INSL6: variants seen among roughly 807,000 people sequenced by gnomAD.
The protein encoded by INSL6 is insulin-like peptide INSL6.
In INSL6, 16 loss-of-function variants were observed where a neutral mutation model predicts 9.4. The observed-to-expected ratio is 1.70, with a 90% CI of 1.15 to 2.59. The LOEUF is 2.59. Ranked by LOEUF, INSL6 falls within the 30% of genes most tolerant of loss-of-function variation. The pLI, the probability that INSL6 is intolerant of heterozygous loss-of-function variation, is 0.00. For synonymous variants in INSL6, 154 were observed against 96.9 expected, an observed-to-expected ratio of 1.59 and a Z score of -3.46; for missense variants, 391 against 257.3, an observed-to-expected ratio of 1.52 and a Z score of -3.56.
At chr9:5,134,959 C>G (rs1264808169) in intron 2 of INSL6, among the ~76,000 whole-genome samples, 1 of 152,106 alleles carries the variant, frequency 6.6e-6, no homozygotes, top group African/African-American at 2.4e-5. Context: ...TGCAAAGACA[C>G]ACATAGGCTC....
chr9:5,052,830 A>G, the INSL6 span, among the ~76,000 whole-genome samples: 1 of 151,950 alleles, frequency 6.6e-6, no homozygotes, highest in South Asian at 2.1e-4. Context: ...TCAGTACTTC[A>G]TTTCTTTTTA....
the INSL6 span, among the ~76,000 whole-genome samples, chr9:5,010,089 G>T: frequency 6.6e-6 from 1 of 152,142 alleles, no homozygotes; most frequent in African/African-American, 2.4e-5. Flanking sequence ...GTTTTAAATA[G>T]AGTCTATTTC....
chr9:5,045,252 A>T, the INSL6 span, among the ~76,000 whole-genome samples: 2 of 152,178 alleles, frequency 1.3e-5, no homozygotes, highest in Non-Finnish European at 1.5e-5. Flanking sequence ...GGAGTTCTAA[A>T]TCAGATTTGC....
chr9:5,072,239 C>T, the INSL6 span, among the ~76,000 whole-genome samples: 1 of 152,092 alleles, frequency 6.6e-6, no homozygotes, highest in Non-Finnish European at 1.5e-5. Flanking sequence ...ACAATTATAG[C>T]CCATTCAGGA....
At chr9:5,054,949 A>T in the INSL6 span, 1 of 1,233,690 alleles carries the variant, frequency 8.1e-7, no homozygotes, top group East Asian at 2.5e-5. The surrounding 1 kb of genome is among the most constrained non-coding windows in gnomAD (Gnocchi z 4.9). Flanking sequence ...AAAACAAAGT[A>T]ATTTTAATCA....
the INSL6 span, among the ~76,000 whole-genome samples, chr9:5,079,499 T>G: frequency 3.3e-5 from 4 of 120,488 alleles, no homozygotes; most frequent in Non-Finnish European, 6.2e-5. Context: ...GGTCCTTGGG[T>G]TTTTTTTTTT....
chr9:5,066,711 A>G, the INSL6 span: 3 of 1,609,780 alleles, frequency 1.9e-6, no homozygotes, highest in Non-Finnish European at 2.5e-6. Flanking sequence ...TGAAGAAAGC[A>G]GGTAATCAGA....
the INSL6 span, chr9:5,110,692 A>G: frequency 1.2e-5 from 4 of 333,034 alleles, no homozygotes; most frequent in Non-Finnish European, 2.4e-5. Context: ...AGCCCTTTCT[A>G]TTACTCTTAC....
the INSL6 span, chr9:5,099,129 G>A: frequency 6.6e-6 from 1 of 152,144 alleles, no homozygotes; most frequent in Non-Finnish European, 1.5e-5. Flanking sequence ...AAGACATCCT[G>A]CACTCATGAA....
At chr9:5,041,707 C>CT in the INSL6 span, 5 of 505,044 alleles carry the variant, frequency 9.9e-6, no homozygotes, top group East Asian at 1.1e-4. Flanking sequence ...GTGTTCGACT[C>CT]TGAGTACGAG....
At chr9:5,016,777 A>G in the INSL6 span, among the ~76,000 whole-genome samples, 2 of 152,212 alleles carry the variant, frequency 1.3e-5, no homozygotes, top group East Asian at 3.9e-4. Flanking sequence ...TGCCAAGCTA[A>G]CCATTATCCT....
At chr9:5,007,494 A>C in the INSL6 span, among the ~76,000 whole-genome samples, 1 of 152,096 alleles carries the variant, frequency 6.6e-6, no homozygotes, top group Non-Finnish European at 1.5e-5. Context: ...GCAGAACTTC[A>C]CATTTTTCAA....
chr9:5,090,019 C>T, the INSL6 span, among the ~76,000 whole-genome samples: 1 of 152,186 alleles, frequency 6.6e-6, no homozygotes, highest in East Asian at 1.9e-4. Context: ...TGATCATAGA[C>T]TATAACTATA....
chr9:5,143,619 T>C (rs1485507739), intron 2 of INSL6, among the ~76,000 whole-genome samples: 4 of 152,102 alleles, frequency 2.6e-5, no homozygotes, highest in Admixed American at 2.6e-4. Flanking sequence ...TCTATTTTAT[T>C]AGTTTTTTCA....
At chr9:5,161,940 C>T (rs1428938876), downstream of INSL6, among the ~76,000 whole-genome samples, 1 of 151,580 alleles carries the variant, frequency 6.6e-6, no homozygotes, top group African/African-American at 2.4e-5. Context: ...AAAAATTAGC[C>T]AGGTGGTATG....
the INSL6 span, among the ~76,000 whole-genome samples, chr9:5,020,914 C>T: frequency 5.9e-5 from 9 of 152,162 alleles, no homozygotes; most frequent in South Asian, 6.2e-4. Flanking sequence ...AAAATGGCAC[C>T]GTGCTGTAGC....
chr9:5,134,719 G>C (rs1824359180), intron 2 of INSL6, among the ~76,000 whole-genome samples: 1 of 152,160 alleles, frequency 6.6e-6, no homozygotes, highest in Admixed American at 6.5e-5. Flanking sequence ...ACCGGTACCA[G>C]CCACTGCAAA....
the INSL6 span, among the ~76,000 whole-genome samples, chr9:5,075,571 GT>G: frequency 6.6e-6 from 1 of 152,168 alleles, no homozygotes; most frequent in Admixed American, 6.5e-5. Flanking sequence ...TTATAGCATG[GT>G]TTATTGACTA....
the INSL6 span, among the ~76,000 whole-genome samples, chr9:5,078,598 A>T: frequency 6.6e-6 from 1 of 152,116 alleles, no homozygotes; most frequent in African/African-American, 2.4e-5. Flanking sequence ...TTGTTAGTTA[A>T]ATCTTAGTCT....
Sources: allele counts gnomAD v4.1 joint callset (sites outside exome capture counted in the v4.1 genomes callset), GRCh38; gene constraint gnomAD v4.1.1; non-coding constraint Gnocchi (gnomAD v3.1); transcripts MANE v1.5; gene names NCBI Gene and HGNC (gene_info 2026-07-23, HGNC 2026-07-21).